Variants in CNTN5 observed in about 807,000 individuals in gnomAD.
The protein encoded by CNTN5 is contactin-5.
CNTN5 carries 77 observed loss-of-function variants against 129.1 expected under a neutral mutation model. That is an observed-to-expected ratio of 0.60 (90% CI 0.50 to 0.72). CNTN5 has a LOEUF of 0.72. Ranked by LOEUF, CNTN5 falls within the 30% of genes least tolerant of loss-of-function variation. The pLI is 0.00. For synonymous variants in CNTN5, 509 were observed against 465.6 expected (o/e 1.09, Z -1.20); for missense variants, 1,478 against 1,328.8 (o/e 1.11, Z -1.75).
intron 21 of CNTN5, among the ~76,000 whole-genome samples, chr11:100,321,496 C>A (rs1254009922): frequency 1.3e-5 from 2 of 152,094 alleles, no homozygotes; most frequent in East Asian, 1.9e-4. Flanking sequence ...ATGTCACCTG[C>A]AAACAGGGAC....
intron 1 of CNTN5, among the ~76,000 whole-genome samples, chr11:99,277,487 G>C (rs929746495): frequency 3.3e-5 from 5 of 151,662 alleles, no homozygotes; most frequent in African/African-American, 1.2e-4. Flanking sequence ...TTACCAGACT[G>C]CTATGTAAAG....
intron 1 of CNTN5, among the ~76,000 whole-genome samples, chr11:99,025,674 A>G (rs1863080494): frequency 6.6e-6 from 1 of 151,768 alleles, no homozygotes; most frequent in Non-Finnish European, 1.5e-5. Flanking sequence ...TAATGATAGT[A>G]ATAAAGTATC....
intron 1 of CNTN5, among the ~76,000 whole-genome samples, chr11:99,031,425 A>G (rs536086891): frequency 6.6e-6 from 1 of 152,304 alleles, no homozygotes; most frequent in Non-Finnish European, 1.5e-5. Flanking sequence ...ATAATATAGT[A>G]GAAAGAAATG....
At chr11:99,481,423 A>G (rs1024990123) in intron 2 of CNTN5, among the ~76,000 whole-genome samples, 1 of 152,076 alleles carries the variant, frequency 6.6e-6, no homozygotes, top group African/African-American at 2.4e-5. Flanking sequence ...GTTTTTCTCC[A>G]ATCATAGTCC....
chr11:99,816,063 A>T (rs149850760), intron 3 of CNTN5, among the ~76,000 whole-genome samples: 5 of 152,098 alleles, frequency 3.3e-5, no homozygotes, highest in African/African-American at 1.2e-4. Flanking sequence ...CTAACCCCCA[A>T]TTTAAATTCA....
Position 100,061,207 on chromosome 11 carries a change from C to T in CNTN5, c.981-5C>T, listed in dbSNP as rs113132209. ...TATTAACAGTATTTTTGTTCCCTAT[C>T]GTAGCCCCGTTCCAACAATCACATG... On this transcript the variant is annotated splice_polypyrimidine_tract_variant and splice_region_variant and intron_variant, in intron 9 of 24. Transcript: ENST00000524871. 391 of 1,603,276 alleles carry T rather than the reference C, an allele frequency of 2.4e-4. 5 individuals are homozygous for T. In the South Asian group the frequency reaches 3.9e-3, roughly 16 times the overall value.
chr11:99,588,153 C>T (rs570114663), intron 3 of CNTN5, among the ~76,000 whole-genome samples: 4 of 152,068 alleles, frequency 2.6e-5, no homozygotes, highest in Non-Finnish European at 5.9e-5. Flanking sequence ...ACCATCCTGG[C>T]TAACACGGTG....
At chr11:99,102,362 C>A (rs895218214) in intron 1 of CNTN5, among the ~76,000 whole-genome samples, 3 of 152,132 alleles carry the variant, frequency 2.0e-5, no homozygotes, top group Admixed American at 6.5e-5. Context: ...ATTTCTGCAG[C>A]CAGCTTGAAT....
intron 2 of CNTN5, among the ~76,000 whole-genome samples, chr11:99,369,802 A>G (rs1015813388): frequency 2.6e-5 from 4 of 152,176 alleles, no homozygotes; most frequent in Non-Finnish European, 5.9e-5. Flanking sequence ...GCTAGGTGGT[A>G]GAAATATATT....
chr11:99,787,285 C>CA (rs1226267055), intron 3 of CNTN5, among the ~76,000 whole-genome samples: 202 of 151,216 alleles, frequency 1.3e-3, no homozygotes, highest in African/African-American at 3.8e-3. Flanking sequence ...TTATATTTAA[C>CA]CAAAAACAGT....
At chr11:99,191,266 A>G (rs116843804) in intron 1 of CNTN5, among the ~76,000 whole-genome samples, 2,163 of 151,700 alleles carry the variant, frequency 0.014, 19 homozygotes, top group Non-Finnish European at 0.023. Context: ...GGTTTTTTTC[A>G]CCTGTGTTCA....
chr11:99,251,720 T>C (rs1249820983), intron 1 of CNTN5, among the ~76,000 whole-genome samples: 2 of 151,930 alleles, frequency 1.3e-5, no homozygotes, highest in African/African-American at 4.8e-5. Flanking sequence ...AATAATCCAA[T>C]ATGAAAACAC....
intron 3 of CNTN5, among the ~76,000 whole-genome samples, chr11:99,670,380 G>T (rs945949355): frequency 6.6e-6 from 1 of 152,074 alleles, no homozygotes; most frequent in African/African-American, 2.4e-5. Context: ...CCATTTATCT[G>T]CATCTCCGGT....
At chr11:99,230,387 G>T (rs1860930260) in intron 1 of CNTN5, among the ~76,000 whole-genome samples, 1 of 151,798 alleles carries the variant, frequency 6.6e-6, no homozygotes, top group African/African-American at 2.4e-5. Context: ...AACTGATTTT[G>T]GGAAAAATGA....
At chr11:100,089,015 G>A (rs545849740) in intron 13 of CNTN5, among the ~76,000 whole-genome samples, 222 of 152,070 alleles carry the variant, frequency 1.5e-3, no homozygotes, top group African/African-American at 4.9e-3. Context: ...CTAAAGGCAC[G>A]TCAAAAAGCC....
chr11:100,102,248 T>C (rs1945248843), intron 13 of CNTN5, among the ~76,000 whole-genome samples: 1 of 151,970 alleles, frequency 6.6e-6, no homozygotes, highest in African/African-American at 2.4e-5. Flanking sequence ...TTTTTTTTAA[T>C]TGTGGCTTTT....
At chr11:99,943,789 G>A (rs1386278196) in intron 7 of CNTN5, among the ~76,000 whole-genome samples, 1 of 152,088 alleles carries the variant, frequency 6.6e-6, no homozygotes, top group Non-Finnish European at 1.5e-5. Flanking sequence ...ATTAAACAGG[G>A]AATCCTTTCC....
intron 13 of CNTN5, among the ~76,000 whole-genome samples, chr11:100,165,699 T>G (rs1441195428): frequency 6.6e-6 from 1 of 151,742 alleles, no homozygotes; most frequent in African/African-American, 2.4e-5. Flanking sequence ...AGTGAATGAA[T>G]AAGGTCTCAT....
intron 13 of CNTN5, among the ~76,000 whole-genome samples, chr11:100,083,554 A>T (rs930563086): frequency 2.0e-5 from 3 of 152,158 alleles, no homozygotes; most frequent in African/African-American, 7.2e-5. Context: ...CATATTTCTA[A>T]GCTTGGTCTC....
Sources: gnomAD v4.1 joint callset for allele counts (sites outside exome capture counted in the v4.1 genomes callset) on GRCh38, gnomAD v4.1.1 for gene constraint, MANE v1.5 for transcripts, NCBI Gene and HGNC (gene_info 2026-07-23, HGNC 2026-07-21) for gene names.